Variants in MCPH1 observed in about 807,000 individuals in gnomAD.
The protein encoded by MCPH1 is microcephalin 1.
MCPH1 carries 104 observed loss-of-function variants against 84.5 expected under a neutral mutation model. The ratio of observed to expected loss-of-function variants is 1.23; its 90% confidence interval spans 1.05 to 1.45. MCPH1 has a LOEUF of 1.45. Ranked by LOEUF, MCPH1 falls within the 40% of genes most tolerant of loss-of-function variation. The probability of loss-of-function intolerance (pLI) is 0.00; values close to 1 mark genes in which losing one functional copy is unlikely to be tolerated. For synonymous variants in MCPH1, 514 were observed against 366.8 expected (o/e 1.40, Z -4.58); for missense variants, 1,498 against 1,005.7 (o/e 1.49, Z -6.62).
chr8:6,442,922 C>G, intron 7 of MCPH1, among the ~76,000 whole-genome samples: 1 of 152,344 alleles, frequency 6.6e-6, no homozygotes, highest in South Asian at 2.1e-4. Context: ...CTTGTACTCT[C>G]ACCTCTGTGT....
chr8:6,474,623 T>A (rs1301789730), intron 9 of MCPH1, among the ~76,000 whole-genome samples: 1 of 152,202 alleles, frequency 6.6e-6, no homozygotes, highest in Non-Finnish European at 1.5e-5. Context: ...TTTTTCATAG[T>A]CTTAAACTTT....
chr8:6,470,089 T>C (rs1807515982), intron 9 of MCPH1, among the ~76,000 whole-genome samples: 2 of 152,234 alleles, frequency 1.3e-5, no homozygotes, highest in Non-Finnish European at 2.9e-5. Context: ...TTTTCTTCTT[T>C]GCAGTAGGCA....
chr8:6,532,531 C>T (rs576287261), intron 12 of MCPH1: 39 of 1,451,128 alleles, frequency 2.7e-5, no homozygotes, highest in East Asian at 7.5e-5. Context: ...GTCAAATGAC[C>T]GGAAACCTGA....
chr8:6,545,229 T>G (rs1224116071), intron 12 of MCPH1, among the ~76,000 whole-genome samples: 1 of 152,112 alleles, frequency 6.6e-6, no homozygotes, highest in East Asian at 1.9e-4. Context: ...CCTTCTGGAG[T>G]GCTGAAAATG....
chr8:6,516,871 A>G (rs1816368457), intron 12 of MCPH1, among the ~76,000 whole-genome samples: 1 of 152,220 alleles, frequency 6.6e-6, no homozygotes, highest in Non-Finnish European at 1.5e-5. Flanking sequence ...TATGGAAGTC[A>G]GAGGCAAAAC....
chr8:6,443,883 T>C (rs1478475732), intron 7 of MCPH1, among the ~76,000 whole-genome samples: 7 of 152,186 alleles, frequency 4.6e-5, no homozygotes, highest in Admixed American at 6.5e-5. Context: ...GTAATCCATA[T>C]AAGAGTTGAA....
intron 13 of MCPH1, among the ~76,000 whole-genome samples, chr8:6,633,239 G>T (rs544461762): frequency 1.3e-5 from 2 of 152,268 alleles, no homozygotes; most frequent in Non-Finnish European, 2.9e-5. Flanking sequence ...GAATTATACA[G>T]GAAGGGACAC....
intron 12 of MCPH1, among the ~76,000 whole-genome samples, chr8:6,533,358 G>A (rs994929269): frequency 1.3e-5 from 2 of 152,204 alleles, no homozygotes; most frequent in Admixed American, 6.5e-5. Flanking sequence ...AACTGAGTAC[G>A]TGGGAAGAGC....
chr8:6,406,762 G>A, intron 1 of MCPH1, 73 bp downstream of exon 1: 2 of 1,552,604 alleles, frequency 1.3e-6, no homozygotes, highest in East Asian at 2.3e-5. Context: ...GGGCGCACTC[G>A]GGGGATCCCG....
intron 12 of MCPH1, among the ~76,000 whole-genome samples, chr8:6,535,584 G>A (rs1820334051): frequency 6.6e-6 from 1 of 152,056 alleles, no homozygotes; most frequent in Admixed American, 6.5e-5. Context: ...TAGGTATATA[G>A]CATATATGTA....
intron 12 of MCPH1, among the ~76,000 whole-genome samples, chr8:6,565,598 G>A (rs1364238713): frequency 5.9e-5 from 9 of 152,102 alleles, no homozygotes; most frequent in African/African-American, 2.2e-4. Context: ...TTGTCTTCCA[G>A]GCAAATAGAG....
chr8:6,414,647 G>C (rs1799006093), intron 2 of MCPH1, 118 bp from the exon 3 acceptor site: 1 of 1,068,452 alleles, frequency 9.4e-7, no homozygotes, highest in African/African-American at 1.6e-5. Flanking sequence ...ATTCCTTTGA[G>C]TGTTTCTCTG....
chr8:6,612,095 G>A (rs901493691), intron 12 of MCPH1, among the ~76,000 whole-genome samples: 1 of 152,142 alleles, frequency 6.6e-6, no homozygotes, highest in Non-Finnish European at 1.5e-5. Flanking sequence ...TAGCATACAC[G>A]CAGGTAGGGT....
intron 12 of MCPH1, among the ~76,000 whole-genome samples, chr8:6,518,365 T>C (rs1816696691): frequency 6.6e-6 from 1 of 152,238 alleles, no homozygotes; most frequent in Admixed American, 6.5e-5. Context: ...GTTCGTTGCC[T>C]TTTCATCTGC....
chr8:6,553,661 CA>C (rs1281801045), intron 12 of MCPH1, among the ~76,000 whole-genome samples: 1 of 144,864 alleles, frequency 6.9e-6, no homozygotes, highest in African/African-American at 2.9e-5. Context: ...GAAATGGTCT[CA>C]AAATTTTTTT....
chr8:6,502,887 T>A (rs760954034), intron 12 of MCPH1: 1 of 549,496 alleles, frequency 1.8e-6, no homozygotes, highest in Non-Finnish European at 3.2e-6. Context: ...TAATCACAAT[T>A]ATGGATGTTT....
rs889701650 is a variant in MCPH1 at position 6,439,712 on chromosome 8, T to C, written c.580+616T>C. Among the ~76,000 whole-genome samples, 4 of 152,332 alleles carry C rather than the reference T, an allele frequency of 2.6e-5. No homozygotes were observed. The South Asian group carries it at 8.3e-4, about 32-fold the overall frequency. On this transcript the variant is annotated intron_variant, in intron 6 of 13. Coordinates refer to ENST00000344683, the MANE Select transcript of MCPH1 (RefSeq NM_024596.5). ...CCACCGCTCCTGGCCGTGAATCATG[T>C]CTTTTGAAGGAATTTGCTTTAGATT... is the stretch of plus-strand genomic sequence containing the variant.
chr8:6,502,481 C>T (rs543507839), intron 12 of MCPH1: 1 of 152,256 alleles, frequency 6.6e-6, no homozygotes, highest in Non-Finnish European at 1.5e-5. Flanking sequence ...ACTAAGCTGT[C>T]AACATAAATG....
Position 6,409,346 on chromosome 8 carries a change from A to T in MCPH1, c.90A>T (p.Thr30=), listed in dbSNP as rs139678787. The T allele has an allele frequency of 2.2e-5, 36 of 1,613,758 alleles. No homozygotes were observed. The South Asian group carries it at 2.4e-4, about 11-fold the overall frequency. The change falls in exon 2 of 14, where the codon ACA becomes ACT. Residue 30 remains threonine, a synonymous_variant. Transcript: ENST00000344683. ...GTENYSKTFT[T]QLVDMGAKVS... is the part of the protein sequence containing the mutation. ...AAAATTATTCAAAGACATTTACAAC[A>T]CAGCTTGTGGATATGGGGGCAAAGG...
Sources: gnomAD v4.1 joint callset for allele counts (sites outside exome capture counted in the v4.1 genomes callset) on GRCh38, gnomAD v4.1.1 for gene constraint, MANE v1.5 for transcripts, NCBI Gene and HGNC (gene_info 2026-07-23, HGNC 2026-07-21) for gene names.